ATG13: variants seen among roughly 807,000 people sequenced by gnomAD.
The protein encoded by ATG13 is autophagy-related protein 13.
ATG13 carries 23 observed loss-of-function variants against 65.5 expected under a neutral mutation model. The observed-to-expected ratio is 0.35, with a 90% CI of 0.25 to 0.50. The LOEUF (loss-of-function observed/expected upper bound fraction) is 0.50, where lower values mean the gene tolerates loss of function less well. Ranked by LOEUF, ATG13 falls within the 20% of genes least tolerant of loss-of-function variation. The probability of loss-of-function intolerance (pLI) is 0.98; values close to 1 mark genes in which losing one functional copy is unlikely to be tolerated. For synonymous variants in ATG13, 252 were observed against 245.2 expected (o/e 1.03, Z -0.26); for missense variants, 566 against 677.0 (o/e 0.84, Z 1.82).
At chr11:46,632,523 C>T (rs1257572316) in intron 2 of ATG13, 2 of 152,126 alleles carry the variant, frequency 1.3e-5, no homozygotes, top group Non-Finnish European at 2.9e-5. Context: ...GCTTAGTCTC[C>T]TAGCAGCTGA....
chr11:46,628,960 G>A (rs980378917), intron 1 of ATG13, among the ~76,000 whole-genome samples: 5 of 147,356 alleles, frequency 3.4e-5, no homozygotes, highest in South Asian at 2.1e-4. Flanking sequence ...TTTTGGAGAC[G>A]GAGTCTCACT....
At chr11:46,640,839 A>T (rs1591729747) in intron 2 of ATG13, among the ~76,000 whole-genome samples, 1 of 152,336 alleles carries the variant, frequency 6.6e-6, no homozygotes, top group East Asian at 1.9e-4. Context: ...TGGTGTATAG[A>T]TTTATAGCAA....
intron 10 of ATG13, among the ~76,000 whole-genome samples, chr11:46,658,148 T>C (rs969053165): frequency 6.6e-6 from 1 of 152,316 alleles, no homozygotes; most frequent in Non-Finnish European, 1.5e-5. Flanking sequence ...GGAATATCCT[T>C]GACAAATTAA....
intron 2 of ATG13, among the ~76,000 whole-genome samples, chr11:46,641,053 C>T (rs917989335): frequency 6.6e-6 from 1 of 152,182 alleles, no homozygotes; most frequent in Admixed American, 6.5e-5. Context: ...GGAAACAACT[C>T]AAATGTTTAT....
intron 10 of ATG13, among the ~76,000 whole-genome samples, chr11:46,658,445 C>T (rs943076952): frequency 3.3e-5 from 5 of 152,112 alleles, no homozygotes; most frequent in Admixed American, 1.3e-4. Context: ...CCTATAATCC[C>T]GGCACTTTGG....
intron 11 of ATG13, among the ~76,000 whole-genome samples, chr11:46,660,629 C>T (rs976021615): frequency 2.6e-5 from 4 of 151,260 alleles, no homozygotes; most frequent in African/African-American, 9.7e-5. Flanking sequence ...AGGATGGTCT[C>T]GATCTCCTGA....
chr11:46,667,317 C>T (rs953009701), intron 14 of ATG13, among the ~76,000 whole-genome samples: 1 of 152,134 alleles, frequency 6.6e-6, no homozygotes, highest in African/African-American at 2.4e-5. Flanking sequence ...GCTTAGGGCC[C>T]CCTGTGCAGG....
intron 5 of ATG13, among the ~76,000 whole-genome samples, chr11:46,646,362 C>T (rs1389409062): frequency 6.6e-6 from 1 of 152,168 alleles, no homozygotes; most frequent in Non-Finnish European, 1.5e-5. Flanking sequence ...TTAAGTCAGG[C>T]TGATCTCGAA....
At chr11:46,628,883 T>C (rs1427020548) in intron 1 of ATG13, among the ~76,000 whole-genome samples, 1 of 152,018 alleles carries the variant, frequency 6.6e-6, no homozygotes, top group Admixed American at 6.6e-5. Flanking sequence ...ACTTTAACTT[T>C]TCCCTCTACC....
chr11:46,646,349 A>G (rs572436733), intron 5 of ATG13, among the ~76,000 whole-genome samples: 1 of 152,128 alleles, frequency 6.6e-6, no homozygotes, highest in Non-Finnish European at 1.5e-5. Flanking sequence ...AGGTTTCGCC[A>G]TGTTAAGTCA....
At chr11:46,660,386 G>GT (rs34196614) in intron 11 of ATG13, among the ~76,000 whole-genome samples, 98,149 of 131,048 alleles carry the variant, frequency 0.75, 38,440 homozygotes, top group East Asian at 0.9. Context: ...GTTGTTGTTG[G>GT]TTTTTTTTTT....
At chr11:46,653,082 G>A (rs1208974292) in intron 7 of ATG13, among the ~76,000 whole-genome samples, 1 of 151,420 alleles carries the variant, frequency 6.6e-6, no homozygotes, top group East Asian at 1.9e-4. Flanking sequence ...TTACAGAAAG[G>A]TTTGCTGATC....
intron 7 of ATG13, among the ~76,000 whole-genome samples, chr11:46,653,831 AGTGCTGGGATTACAGGC>A (rs1265226171): frequency 1.6e-4 from 24 of 151,882 alleles, no homozygotes; most frequent in Non-Finnish European, 2.6e-4. Flanking sequence ...AGACTCCCAA[AGTGCTGGGATTACAGGC>A]GTGAGCCACC....
At chr11:46,625,166 A>G (rs1054171044) in intron 1 of ATG13, 1 of 142,558 alleles carries the variant, frequency 7.0e-6, no homozygotes, top group Non-Finnish European at 1.5e-5. Flanking sequence ...CGTTGCTACC[A>G]AAAAAAAAAA....
intron 11 of ATG13, among the ~76,000 whole-genome samples, chr11:46,662,735 C>T (rs1429447434): frequency 6.6e-6 from 1 of 152,116 alleles, no homozygotes; most frequent in Non-Finnish European, 1.5e-5. Context: ...AATATTATTC[C>T]TGTTAATAAT....
chr11:46,643,234 T>C (rs757456451), intron 2 of ATG13, among the ~76,000 whole-genome samples: 70 of 152,154 alleles, frequency 4.6e-4, no homozygotes, highest in Admixed American at 9.8e-4. Flanking sequence ...TTGCCCAGTT[T>C]AGCTTGGGAT....
Position 46,672,246 on chromosome 11 carries a change from C to G in ATG13, c.1576-9C>G, listed in dbSNP as rs747308361. 1.2e-6 allele frequency: 2 copies of G among 1,614,122 alleles called. No homozygotes were observed. Among genetic ancestry groups the G allele is most frequent in the South Asian group, 1.1e-5 (1 of 91,078 alleles). ...GAATAAACGGCTCTTCCCTCTCTTT[C>G]CGGTACAGGACTCATTACCAGAGAA... On this transcript the variant is annotated splice_polypyrimidine_tract_variant and intron_variant, in intron 18 of 18. Transcript: ENST00000683050.
At position 46,674,141 on chromosome 11, in the gene ATG13, C is replaced by T. The variant is rs957980099; in HGVS notation, c.*1809C>T. 1 of 152,256 alleles carries T rather than the reference C, an allele frequency of 6.6e-6. No individual in the cohort carries two copies. Among genetic ancestry groups the T allele is most frequent in the Non-Finnish European group, 1.5e-5 (1 of 68,074 alleles). 9.4% of individuals were successfully genotyped at this position (152,256 alleles called of 1,614,324 possible). On this transcript the variant is annotated 3_prime_UTR_variant, in exon 19 of 19. Coordinates refer to ENST00000683050, the MANE Select transcript of ATG13 (RefSeq NM_001346311.2). Reference sequence around the variant, plus strand: ...AGTTATTGATGCCCCCATATTTCAGCTACTGCTCTCTTTCCAAGGCCTTGC... The same window carrying T: ...AGTTATTGATGCCCCCATATTTCAGTTACTGCTCTCTTTCCAAGGCCTTGC...
At chr11:46,631,013 A>G (rs1019889878) in intron 2 of ATG13, 4 of 151,996 alleles carry the variant, frequency 2.6e-5, no homozygotes, top group Admixed American at 6.6e-5. Context: ...TGCCCAGCCT[A>G]TTCACTTTTT....
Sources: allele counts gnomAD v4.1 joint callset (sites outside exome capture counted in the v4.1 genomes callset), GRCh38; gene constraint gnomAD v4.1.1; transcripts MANE v1.5; gene names NCBI Gene and HGNC (gene_info 2026-07-23, HGNC 2026-07-21).